The following CHL1 variants were observed in gnomAD, a reference collection of about 807,000 sequenced individuals.
CHL1 encodes cell adhesion molecule L1 like.
A neutral mutation model predicts 141.9 loss-of-function variants in CHL1; 96 were observed. The ratio of observed to expected loss-of-function variants is 0.68; its 90% CI spans 0.57 to 0.80. The LOEUF (loss-of-function observed/expected upper bound fraction) is 0.80, where lower values mean the gene tolerates loss of function less well. Ranked by LOEUF, CHL1 falls within the 30% of genes least tolerant of loss-of-function variation. The pLI is 0.00. For synonymous variants in CHL1, 613 were observed against 502.2 expected (o/e 1.22, Z -2.95); for missense variants, 1,820 against 1,457.2 (o/e 1.25, Z -4.05).
At chr3:391,651 T>A in intron 22 of CHL1, 24 bp from the exon 23 acceptor site, 1 of 1,564,548 alleles carries the variant, frequency 6.4e-7, no homozygotes, top group Non-Finnish European at 8.7e-7. Context: ...GATGTGAGTT[T>A]ATTTTTGGTC....
intron 23 of CHL1, among the ~76,000 whole-genome samples, chr3:393,475 G>A (rs73814747): frequency 7.2e-5 from 11 of 151,854 alleles, no homozygotes; most frequent in South Asian, 6.2e-4. Flanking sequence ...TGACATTTAC[G>A]TTTATTTAAA....
rs777917813 is a variant in CHL1, at chr3:405,523, A to T, written c.3487A>T (p.Ser1163Cys). ...CAGTGATGAAAAGCCTCTCAAAGGA[A>T]GCCTTCGGTCCCTTAATAGGGATAT... ...SDSDEKPLKGSLRSLNRDMQP... is the reference protein window; with the variant it reads ...SDSDEKPLKGCLRSLNRDMQP... The change falls in exon 28 of 28, where the codon AGC becomes TGC. Residue 1163 changes from serine (S) to cysteine (C), a missense_variant. By Grantham distance (112) the Ser-to-Cys change is moderately radical (BLOSUM62 -1). Transcript: ENST00000256509. 12 of 1,613,086 alleles carry T rather than the reference A, an allele frequency of 7.4e-6. No individual in the cohort carries two copies. The highest frequency in any genetic ancestry group is 1.7e-4 in the Middle Eastern group (1 of 6,054).
chr3:317,043 G>A (rs373728379), intron 2 of CHL1, among the ~76,000 whole-genome samples: 1 of 151,996 alleles, frequency 6.6e-6, no homozygotes, highest in East Asian at 1.9e-4. Context: ...TTCATCGTCA[G>A]CTAATGGAGT....
intron 14 of CHL1, 69 bp from the exon 15 acceptor site, chr3:365,881 C>A (rs2125292419): frequency 7.7e-7 from 1 of 1,305,268 alleles, no homozygotes; most frequent in Non-Finnish European, 1.1e-6. Flanking sequence ...GGTTACTTAA[C>A]TTGCAGGCAC....
intron 11 of CHL1, among the ~76,000 whole-genome samples, chr3:359,370 C>T (rs1413217298): frequency 6.6e-6 from 1 of 151,864 alleles, no homozygotes; most frequent in African/African-American, 2.4e-5. Flanking sequence ...GTGGCGAGAT[C>T]TTGGCTCACT....
chr3:310,205 G>A (rs1699641701), intron 2 of CHL1, among the ~76,000 whole-genome samples: 1 of 152,108 alleles, frequency 6.6e-6, no homozygotes, highest in Admixed American at 6.5e-5. Flanking sequence ...CGAGGTGGGA[G>A]GATCATTTAA....
chr3:219,834 A>C (rs1444664626), intron 1 of CHL1, among the ~76,000 whole-genome samples: 1 of 152,216 alleles, frequency 6.6e-6, no homozygotes, highest in African/African-American at 2.4e-5. Flanking sequence ...CCTGAACTTA[A>C]AATGAAAGTT....
chr3:271,971 CTT>C (rs1346965031), intron 2 of CHL1, among the ~76,000 whole-genome samples: 2 of 152,158 alleles, frequency 1.3e-5, no homozygotes, highest in Non-Finnish European at 2.9e-5. Context: ...ATAAAATACT[CTT>C]TTGATAGGTG....
chr3:326,181 G>T, intron 4 of CHL1, 117 bp downstream of exon 4: 3 of 565,046 alleles, frequency 5.3e-6, no homozygotes, highest in Non-Finnish European at 8.9e-6. Context: ...TAAAGCTAAG[G>T]GTTTACAAAA....
chr3:217,281 G>A (rs1700403772), intron 1 of CHL1, among the ~76,000 whole-genome samples: 1 of 152,082 alleles, frequency 6.6e-6, no homozygotes, highest in African/African-American at 2.4e-5. Context: ...ATACGTGTGT[G>A]TGCATGTGTA....
At chr3:286,242 C>A (rs999518288) in intron 2 of CHL1, among the ~76,000 whole-genome samples, 1 of 152,086 alleles carries the variant, frequency 6.6e-6, no homozygotes, top group Admixed American at 6.5e-5. Context: ...GATCCATGCC[C>A]CAAAAGTGGG....
chr3:251,077 A>G (rs1429074432), intron 2 of CHL1, among the ~76,000 whole-genome samples: 1 of 152,176 alleles, frequency 6.6e-6, no homozygotes, highest in African/African-American at 2.4e-5. Flanking sequence ...AAGCGCCAGA[A>G]TATGGTGATT....
chr3:334,140 G>C (rs367635985), intron 5 of CHL1, among the ~76,000 whole-genome samples: 1 of 151,964 alleles, frequency 6.6e-6, no homozygotes, highest in East Asian at 1.9e-4. Flanking sequence ...CTTTTTTGAA[G>C]TATAATTTAC....
intron 2 of CHL1, 47 bp from the exon 3 acceptor site, chr3:319,636 A>C: frequency 3.6e-6 from 2 of 548,794 alleles, no homozygotes; most frequent in Non-Finnish European, 6.5e-6. Flanking sequence ...GTTCTGTTGA[A>C]ATTTTAGAGT....
intron 3 of CHL1, among the ~76,000 whole-genome samples, chr3:324,469 A>G (rs764189475): frequency 6.6e-6 from 1 of 152,004 alleles, no homozygotes; most frequent in Non-Finnish European, 1.5e-5. Context: ...AGATCTTTAC[A>G]CACTTCATGA....
At chr3:375,139 G>C (rs1286280963) in intron 15 of CHL1, among the ~76,000 whole-genome samples, 1 of 152,096 alleles carries the variant, frequency 6.6e-6, no homozygotes, top group East Asian at 1.9e-4. Flanking sequence ...ATTTTCTGTG[G>C]ATTTCCTACC....
chr3:213,382 T>A (rs954838308), intron 1 of CHL1: 1 of 152,316 alleles, frequency 6.6e-6, no homozygotes, highest in African/African-American at 2.4e-5. Context: ...TGTTCCCACA[T>A]ATGAACATTA....
At chr3:385,277 A>G (rs1442402433) in intron 19 of CHL1, among the ~76,000 whole-genome samples, 5 of 152,178 alleles carry the variant, frequency 3.3e-5, no homozygotes, top group South Asian at 2.1e-4. Context: ...CAGTAACATT[A>G]GCTCATTAAT....
intron 1 of CHL1, among the ~76,000 whole-genome samples, chr3:227,374 C>G (rs1171732503): frequency 2.0e-5 from 3 of 152,190 alleles, no homozygotes; most frequent in African/African-American, 7.2e-5. Flanking sequence ...GTTCCTAGTA[C>G]TGGAGAGCAT....
Sources: allele counts gnomAD v4.1 joint callset (sites outside exome capture counted in the v4.1 genomes callset), GRCh38; gene constraint gnomAD v4.1.1; transcripts MANE v1.5; gene names NCBI Gene and HGNC (gene_info 2026-07-23, HGNC 2026-07-21).